The following TMEM132B variants were observed in gnomAD, a reference collection of about 807,000 sequenced individuals.
TMEM132B encodes transmembrane protein 132B.
Under a neutral mutation model 90.8 loss-of-function variants are expected in TMEM132B, and 18 were observed. The ratio of observed to expected loss-of-function variants is 0.20; its 90% CI spans 0.14 to 0.29. The LOEUF (loss-of-function observed/expected upper bound fraction) is 0.29. TMEM132B is among the 10% of genes least tolerant of loss of function. The pLI is 1.00. For missense variants in TMEM132B, 1,096 were observed against 1,326.8 expected, an observed-to-expected ratio of 0.83 and a Z score of 2.70; for synonymous variants, 504 against 523.3, an observed-to-expected ratio of 0.96 and a Z score of 0.50.
rs188028723 is a variant in TMEM132B at position 125,281,546 on chromosome 12, G to A, written c.68-67906G>A. ...CCTCAATTTTCTTGACCATAAAACA[G>A]AGCTCAGTTTGCCAGTTAGCAGAGC... On this transcript the variant is annotated intron_variant, in intron 1 of 8. Transcript: ENST00000682704. Among the ~76,000 whole-genome samples, 18 of 152,280 alleles carry A rather than the reference G, an allele frequency of 1.2e-4. No homozygotes were observed. The East Asian group carries it at 3.5e-3, about 29-fold the overall frequency.
intron 5 of TMEM132B, among the ~76,000 whole-genome samples, chr12:125,588,996 A>G (rs115350577): frequency 1.3e-5 from 2 of 152,238 alleles, no homozygotes; most frequent in Non-Finnish European, 2.9e-5. Context: ...ATATTAATAC[A>G]TATTACATCC....
intron 4 of TMEM132B, among the ~76,000 whole-genome samples, chr12:125,520,945 C>T (rs1316818436): frequency 6.6e-6 from 1 of 152,168 alleles, no homozygotes; most frequent in Non-Finnish European, 1.5e-5. Flanking sequence ...ATCATTGACC[C>T]ACATTGTGGT....
Position 125,298,526 on chromosome 12 carries a change from T to C in TMEM132B, c.68-50926T>C, listed in dbSNP as rs183155756. ...CCGTCTCAAACAAAAATACAAAAATTAGCTTGGTGTGGTGGCAGGTGCCTG... is the reference window on the plus strand; with the variant it reads ...CCGTCTCAAACAAAAATACAAAAATCAGCTTGGTGTGGTGGCAGGTGCCTG... On this transcript the variant is annotated intron_variant, in intron 1 of 8. Transcript: ENST00000682704. Among the ~76,000 whole-genome samples, 248 of 150,078 alleles carry C rather than the reference T, an allele frequency of 1.7e-3. 1 individual carries two copies. Among genetic ancestry groups the C allele is most frequent in the African/African-American group, 5.9e-3 (241 of 40,928 alleles).
intron 2 of TMEM132B, among the ~76,000 whole-genome samples, chr12:125,360,783 T>G (rs1877934211): frequency 6.7e-6 from 1 of 148,592 alleles, no homozygotes; most frequent in African/African-American, 2.5e-5. Context: ...TAGGAGACGG[T>G]GTGTGGGTAG....
At chr12:125,481,549 T>G (rs945808451) in intron 3 of TMEM132B, among the ~76,000 whole-genome samples, 4 of 152,158 alleles carry the variant, frequency 2.6e-5, no homozygotes, top group Non-Finnish European at 2.9e-5. Flanking sequence ...TTACAAGGGA[T>G]GTGAAGGATC....
intron 3 of TMEM132B, among the ~76,000 whole-genome samples, chr12:125,502,589 C>T (rs113489678): frequency 2.0e-5 from 3 of 152,310 alleles, no homozygotes; most frequent in African/African-American, 4.8e-5. Flanking sequence ...AGTACTCTCG[C>T]GTGTTCAGAA....
intron 6 of TMEM132B, among the ~76,000 whole-genome samples, chr12:125,646,261 G>T (rs1056660666): frequency 2.0e-5 from 3 of 152,170 alleles, no homozygotes; most frequent in Non-Finnish European, 4.4e-5. Context: ...TGTGCACTTG[G>T]ATTCATCTTG....
intron 4 of TMEM132B, among the ~76,000 whole-genome samples, chr12:125,581,939 G>A (rs1885063472): frequency 1.3e-5 from 2 of 152,114 alleles, no homozygotes; most frequent in African/African-American, 2.4e-5. Context: ...AGAGGGGAGT[G>A]CTCAGGAACA....
At chr12:125,199,833 C>A (rs1873016010) in intron 1 of TMEM132B, among the ~76,000 whole-genome samples, 1 of 152,158 alleles carries the variant, frequency 6.6e-6, no homozygotes, top group Non-Finnish European at 1.5e-5. Context: ...GCAGAGGATA[C>A]ACATCAACTG....
At chr12:125,207,026 G>A (rs1457939686) in intron 1 of TMEM132B, among the ~76,000 whole-genome samples, 3 of 152,120 alleles carry the variant, frequency 2.0e-5, no homozygotes, top group African/African-American at 7.2e-5. Context: ...TGATGCATTC[G>A]GTGGAAGGAA....
intron 1 of TMEM132B, among the ~76,000 whole-genome samples, chr12:125,227,382 T>C (rs1166693480): frequency 6.6e-6 from 1 of 151,910 alleles, no homozygotes; most frequent in Non-Finnish European, 1.5e-5. Flanking sequence ...CACAGAGAGG[T>C]TGAAGAGCTT....
chr12:125,393,942 A>G (rs184759315), intron 2 of TMEM132B, among the ~76,000 whole-genome samples: 30 of 152,294 alleles, frequency 2.0e-4, no homozygotes. Flanking sequence ...GAAGCCAGAG[A>G]GAGGACGAAG....
chr12:125,501,330 C>T (rs1882690564), intron 3 of TMEM132B, among the ~76,000 whole-genome samples: 1 of 152,094 alleles, frequency 6.6e-6, no homozygotes, highest in Non-Finnish European at 1.5e-5. Flanking sequence ...AAAATTATGT[C>T]GTTTACTTGA....
intron 2 of TMEM132B, among the ~76,000 whole-genome samples, chr12:125,365,005 A>G (rs1878082492): frequency 6.6e-6 from 1 of 151,904 alleles, no homozygotes; most frequent in Non-Finnish European, 1.5e-5. Flanking sequence ...TTAATATGTA[A>G]TTTCATTAAT....
intron 5 of TMEM132B, among the ~76,000 whole-genome samples, chr12:125,624,338 C>T (rs992741391): frequency 6.6e-6 from 1 of 152,146 alleles, no homozygotes; most frequent in African/African-American, 2.4e-5. Context: ...GCTGTATGAT[C>T]CTGGACAGCC....
At chr12:125,594,264 T>G (rs766548804) in intron 5 of TMEM132B, among the ~76,000 whole-genome samples, 2 of 152,340 alleles carry the variant, frequency 1.3e-5, no homozygotes, top group East Asian at 1.9e-4. Context: ...CTGAGTAGTA[T>G]TCCACTGTTT....
chr12:125,591,911 C>A (rs1007534256), intron 5 of TMEM132B, among the ~76,000 whole-genome samples: 1 of 152,128 alleles, frequency 6.6e-6, no homozygotes, highest in Non-Finnish European at 1.5e-5. Context: ...CTGCAAATAC[C>A]CTTTTTCTAA....
At chr12:125,421,502 C>T (rs1038298130) in intron 3 of TMEM132B, among the ~76,000 whole-genome samples, 1 of 152,192 alleles carries the variant, frequency 6.6e-6, no homozygotes, top group African/African-American at 2.4e-5. Context: ...GAAAGACCCA[C>T]CTCCATGAGT....
intron 7 of TMEM132B, among the ~76,000 whole-genome samples, chr12:125,651,220 A>G (rs1259526759): frequency 6.6e-6 from 1 of 152,362 alleles, no homozygotes; most frequent in Non-Finnish European, 1.5e-5. Context: ...CAAGAAGGCT[A>G]AATGAAACAT....
Sources: gnomAD v4.1 joint callset for allele counts (sites outside exome capture counted in the v4.1 genomes callset) on GRCh38, gnomAD v4.1.1 for gene constraint, MANE v1.5 for transcripts, NCBI Gene and HGNC (gene_info 2026-07-23, HGNC 2026-07-21) for gene names.